Variants in GALNT7 observed in about 807,000 individuals in gnomAD.
GALNT7 encodes the protein polypeptide N-acetylgalactosaminyltransferase 7.
A neutral mutation model predicts 82.1 loss-of-function variants in GALNT7; 60 were observed. The observed-to-expected ratio is 0.73, with a 90% CI of 0.59 to 0.91. GALNT7 has a LOEUF of 0.91. GALNT7 is among the 40% of genes least tolerant of loss of function. The probability of loss-of-function intolerance (pLI) is 0.00; values close to 1 mark genes in which losing one functional copy is unlikely to be tolerated. For synonymous variants in GALNT7, 243 were observed against 275.1 expected, an observed-to-expected ratio of 0.88 and a Z score of 1.15; for missense variants, 660 against 804.2, an observed-to-expected ratio of 0.82 and a Z score of 2.17.
chr4:173,214,052 C>T (rs1733363599), intron 1 of GALNT7, among the ~76,000 whole-genome samples: 1 of 152,082 alleles, frequency 6.6e-6, no homozygotes, highest in Non-Finnish European at 1.5e-5. Flanking sequence ...AATGTAAGGG[C>T]TTTTCAGTGA....
At chr4:173,272,551 G>A (rs563558769) in intron 2 of GALNT7, among the ~76,000 whole-genome samples, 19 of 152,254 alleles carry the variant, frequency 1.2e-4, no homozygotes, top group African/African-American at 4.3e-4. Context: ...CACTCTTCGT[G>A]ACTCACTCGC....
At chr4:173,269,854 A>G (rs1378419949) in intron 2 of GALNT7, among the ~76,000 whole-genome samples, 4 of 152,212 alleles carry the variant, frequency 2.6e-5, no homozygotes, top group African/African-American at 9.6e-5. Context: ...ATAAAGTCCA[A>G]TTTTATAATC....
chr4:173,247,152 A>T (rs1362844263), intron 1 of GALNT7, among the ~76,000 whole-genome samples: 1 of 152,010 alleles, frequency 6.6e-6, no homozygotes, highest in Non-Finnish European at 1.5e-5. Context: ...GTCTTGTGCG[A>T]AGAATGGTAC....
chr4:173,185,657 C>T (rs1471223813), intron 1 of GALNT7, among the ~76,000 whole-genome samples: 1 of 152,132 alleles, frequency 6.6e-6, no homozygotes, highest in African/African-American at 2.4e-5. Flanking sequence ...AAATTCAGAA[C>T]TCTGTATTGT....
At chr4:173,188,249 A>T (rs1732517040) in intron 1 of GALNT7, among the ~76,000 whole-genome samples, 1 of 152,228 alleles carries the variant, frequency 6.6e-6, no homozygotes, top group Non-Finnish European at 1.5e-5. Context: ...GCCCAAGGTC[A>T]CTTGGTCTTC....
At chr4:173,183,112 G>C (rs964583782) in intron 1 of GALNT7, among the ~76,000 whole-genome samples, 6 of 150,088 alleles carry the variant, frequency 4.0e-5, no homozygotes, top group African/African-American at 1.2e-4. Flanking sequence ...CTGTGTACCT[G>C]ATACTTTTTA....
intron 1 of GALNT7, among the ~76,000 whole-genome samples, chr4:173,176,209 A>G (rs1732038062): frequency 1.3e-5 from 2 of 152,234 alleles, no homozygotes; most frequent in African/African-American, 2.4e-5. Flanking sequence ...GCGGAAAAGC[A>G]TTCCAGGCAG....
At chr4:173,193,577 T>TA (rs1732689404) in intron 1 of GALNT7, among the ~76,000 whole-genome samples, 1 of 152,238 alleles carries the variant, frequency 6.6e-6, no homozygotes, top group African/African-American at 2.4e-5. Flanking sequence ...TTTAAAGTGA[T>TA]ACTTAGCTTT....
At chr4:173,264,276 T>G (rs1054231162) in intron 2 of GALNT7, among the ~76,000 whole-genome samples, 1 of 152,262 alleles carries the variant, frequency 6.6e-6, no homozygotes, top group African/African-American at 2.4e-5. Context: ...CCAGAGTAAC[T>G]AAGATATGAG....
intron 1 of GALNT7, among the ~76,000 whole-genome samples, chr4:173,197,210 G>A (rs1353257226): frequency 1.3e-5 from 2 of 151,992 alleles, no homozygotes; most frequent in Non-Finnish European, 2.9e-5. Context: ...TCATCACTGA[G>A]ATTCTTTTTC....
At chr4:173,257,601 G>T (rs1735092168) in intron 2 of GALNT7, among the ~76,000 whole-genome samples, 1 of 152,172 alleles carries the variant, frequency 6.6e-6, no homozygotes, top group Non-Finnish European at 1.5e-5. Context: ...CCTGGGAAAT[G>T]ACCTGTAGCT....
At chr4:173,270,061 A>G (rs1367525271) in intron 2 of GALNT7, among the ~76,000 whole-genome samples, 1 of 152,226 alleles carries the variant, frequency 6.6e-6, no homozygotes, top group East Asian at 1.9e-4. Context: ...TAAAAAGATA[A>G]TCAAGTGTAC....
At chr4:173,266,992 G>T (rs928824127) in intron 2 of GALNT7, among the ~76,000 whole-genome samples, 1 of 150,668 alleles carries the variant, frequency 6.6e-6, no homozygotes, top group African/African-American at 2.4e-5. Flanking sequence ...TAGCTGGAAG[G>T]AATAAGTTCT....
At chr4:173,189,456 A>G (rs1732557828) in intron 1 of GALNT7, among the ~76,000 whole-genome samples, 1 of 152,244 alleles carries the variant, frequency 6.6e-6, no homozygotes, top group South Asian at 2.1e-4. Context: ...CAGTGTATGA[A>G]TTATGTTTCA....
At chr4:173,282,593 G>C (rs1314136783) in intron 2 of GALNT7, 1 of 152,202 alleles carries the variant, frequency 6.6e-6, no homozygotes, top group African/African-American at 2.4e-5. Flanking sequence ...TTGCTGGAGA[G>C]GAGCATTGTG....
chr4:173,197,330 TA>T (rs904026616), intron 1 of GALNT7, among the ~76,000 whole-genome samples: 1 of 152,118 alleles, frequency 6.6e-6, no homozygotes, highest in Admixed American at 6.5e-5. Flanking sequence ...TATGCTCTCT[TA>T]AAAAGAGTAA....
chr4:173,212,882 C>A (rs1367315937), intron 1 of GALNT7, among the ~76,000 whole-genome samples: 1 of 151,978 alleles, frequency 6.6e-6, no homozygotes, highest in Non-Finnish European at 1.5e-5. Context: ...TTCCTTCAAG[C>A]TGAGTACAAG....
intron 1 of GALNT7, among the ~76,000 whole-genome samples, chr4:173,213,823 G>A (rs1733357357): frequency 6.6e-6 from 1 of 152,046 alleles, no homozygotes; most frequent in Non-Finnish European, 1.5e-5. Flanking sequence ...TGGCCATTAT[G>A]TTTTTACCAG....
intron 8 of GALNT7, among the ~76,000 whole-genome samples, chr4:173,312,307 G>T (rs1188721144): frequency 6.6e-6 from 1 of 152,200 alleles, no homozygotes; most frequent in Non-Finnish European, 1.5e-5. Context: ...TCAGGCTTGG[G>T]CAGCTACATC....
Sources: gnomAD v4.1 joint callset for allele counts (sites outside exome capture counted in the v4.1 genomes callset) on GRCh38, gnomAD v4.1.1 for gene constraint, MANE v1.5 for transcripts, NCBI Gene and HGNC (gene_info 2026-07-23, HGNC 2026-07-21) for gene names.